APPBP2: variants seen among roughly 807,000 people sequenced by gnomAD.
APPBP2 encodes the protein amyloid protein-binding protein 2.
APPBP2 carries 15 observed loss-of-function variants against 76.0 expected under a neutral mutation model. The ratio of observed to expected loss-of-function variants is 0.20; its 90% CI spans 0.13 to 0.30. APPBP2 has a LOEUF of 0.30. APPBP2 is among the 10% of genes least tolerant of loss of function. The pLI is 1.00. For synonymous variants in APPBP2, 222 were observed against 242.2 expected, an observed-to-expected ratio of 0.92 and a Z score of 0.77; for missense variants, 401 against 687.2, an observed-to-expected ratio of 0.58 and a Z score of 4.66.
At chr17:60,458,234 G>C (rs1025105981) in intron 9 of APPBP2, among the ~76,000 whole-genome samples, 3 of 152,140 alleles carry the variant, frequency 2.0e-5, no homozygotes. Context: ...AGGAGATCGA[G>C]ACCAGTCTGG....
At chr17:60,479,399 A>G in intron 3 of APPBP2, 128 bp from the exon 4 acceptor site, 2 of 973,580 alleles carry the variant, frequency 2.1e-6, no homozygotes, top group Non-Finnish European at 2.9e-6. Context: ...TGTTTAGCAT[A>G]CAACACAGGT....
In APPBP2 at chr17:60,502,918, T is replaced by G. The variant is rs535325245; in HGVS notation, c.139-2431A>C. Among the ~76,000 whole-genome samples, 25 of 146,840 alleles carry G rather than the reference T, an allele frequency of 1.7e-4. 5 individuals are homozygous for G. Among genetic ancestry groups the G allele is most frequent in the African/African-American group, 6.9e-4 (25 of 36,336 alleles). On this transcript the variant is annotated intron_variant, in intron 1 of 12. Transcript: ENST00000083182. Reference sequence around the variant, plus strand: ...TACTTTGCCTAAAAACAAAATTTTATGTTATCTTACAATTCACTGCATTCC... The same window carrying G: ...TACTTTGCCTAAAAACAAAATTTTAGGTTATCTTACAATTCACTGCATTCC...
chr17:60,492,896 C>A (rs1221799406), intron 3 of APPBP2, among the ~76,000 whole-genome samples: 1 of 152,036 alleles, frequency 6.6e-6, no homozygotes, highest in Non-Finnish European at 1.5e-5. Flanking sequence ...TTGCGAGGGG[C>A]CAGGGTGGAA....
chr17:60,466,251 T>TA, intron 5 of APPBP2, 40 bp downstream of exon 5: 1 of 1,568,116 alleles, frequency 6.4e-7, no homozygotes, highest in South Asian at 1.1e-5. Context: ...TTTTTATAGG[T>TA]ACTTATTGGT....
intron 4 of APPBP2, among the ~76,000 whole-genome samples, chr17:60,469,925 A>G (rs966727210): frequency 2.6e-5 from 4 of 151,902 alleles, no homozygotes; most frequent in Non-Finnish European, 5.9e-5. Context: ...CAGTAATTCT[A>G]TGTTTAGCTT....
At chr17:60,463,986 T>C (rs2090492959) in intron 6 of APPBP2, 35 bp downstream of exon 6, 1 of 1,431,594 alleles carries the variant, frequency 7.0e-7, no homozygotes, top group Non-Finnish European at 9.6e-7. Flanking sequence ...TGATAAATCC[T>C]ATAATTCATT....
intron 2 of APPBP2, among the ~76,000 whole-genome samples, chr17:60,498,555 T>C (rs1353104775): frequency 6.6e-6 from 1 of 151,962 alleles, no homozygotes; most frequent in Non-Finnish European, 1.5e-5. Context: ...ATAGAATGAA[T>C]AATACTGTAT....
intron 3 of APPBP2, among the ~76,000 whole-genome samples, chr17:60,491,969 A>G (rs1057405481): frequency 3.3e-5 from 5 of 152,204 alleles, no homozygotes; most frequent in African/African-American, 1.2e-4. Flanking sequence ...ACAGGCCCAG[A>G]GGCCTAGGAG....
chr17:60,478,779 G>A (rs569896033), intron 4 of APPBP2, among the ~76,000 whole-genome samples: 9 of 152,110 alleles, frequency 5.9e-5, no homozygotes, highest in East Asian at 1.9e-4. Flanking sequence ...AATAATTGGC[G>A]CATGCCTGTA....
At chr17:60,465,675 G>A (rs1036497474) in intron 5 of APPBP2, among the ~76,000 whole-genome samples, 6 of 152,100 alleles carry the variant, frequency 3.9e-5, no homozygotes, top group South Asian at 2.1e-4. Flanking sequence ...TGAGTCCAGC[G>A]TGGGTGACAA....
At chr17:60,495,511 A>T (rs1002538461) in intron 2 of APPBP2, among the ~76,000 whole-genome samples, 1 of 151,254 alleles carries the variant, frequency 6.6e-6, no homozygotes, top group Non-Finnish European at 1.5e-5. Flanking sequence ...CTGCTCTGTC[A>T]TCCAGGCTGG....
At chr17:60,505,455 A>G (rs902432154) in intron 1 of APPBP2, among the ~76,000 whole-genome samples, 2 of 152,176 alleles carry the variant, frequency 1.3e-5, no homozygotes. Context: ...AGCTGGGACT[A>G]CAGGCGCCTG....
intron 3 of APPBP2, among the ~76,000 whole-genome samples, chr17:60,493,269 T>C (rs558783844): frequency 3.3e-5 from 5 of 152,260 alleles, no homozygotes; most frequent in African/African-American, 1.2e-4. Context: ...AATACAATTG[T>C]GCCACTGCAC....
At chr17:60,521,981 T>C (rs1351570999) in intron 1 of APPBP2, among the ~76,000 whole-genome samples, 6 of 152,134 alleles carry the variant, frequency 3.9e-5, no homozygotes, top group Admixed American at 2.6e-4. Flanking sequence ...CTAAGAACAA[T>C]AGGCTATCCC....
chr17:60,494,421 T>A, intron 3 of APPBP2, 45 bp downstream of exon 3: 1 of 1,581,104 alleles, frequency 6.3e-7, no homozygotes, highest in Non-Finnish European at 8.5e-7. Context: ...GATTTAATTC[T>A]GAGTCCATCA....
intron 3 of APPBP2, among the ~76,000 whole-genome samples, chr17:60,483,423 T>A: frequency 6.6e-6 from 1 of 152,180 alleles, no homozygotes; most frequent in Non-Finnish European, 1.5e-5. Flanking sequence ...AGATGGAGAC[T>A]TGCTCTGTCG....
chr17:60,509,488 T>C (rs191519303), intron 1 of APPBP2, among the ~76,000 whole-genome samples: 1 of 151,934 alleles, frequency 6.6e-6, no homozygotes, highest in East Asian at 1.9e-4. Context: ...AATAGTGTGG[T>C]AGTTACTAAA....
At chr17:60,464,495 T>C (rs181903457) in intron 5 of APPBP2, among the ~76,000 whole-genome samples, 8 of 152,342 alleles carry the variant, frequency 5.3e-5, no homozygotes. Context: ...ATCCTCCTAT[T>C]GTAACATTTG....
intron 3 of APPBP2, among the ~76,000 whole-genome samples, chr17:60,483,253 T>C (rs1418025718): frequency 6.6e-6 from 1 of 152,194 alleles, no homozygotes; most frequent in East Asian, 1.9e-4. Context: ...CTCATGTCCT[T>C]TGCCCACTTT....
Sources: allele counts gnomAD v4.1 joint callset (sites outside exome capture counted in the v4.1 genomes callset), GRCh38; gene constraint gnomAD v4.1.1; transcripts MANE v1.5; gene names NCBI Gene and HGNC (gene_info 2026-07-23, HGNC 2026-07-21).